Variants in MACROD2 observed in about 807,000 individuals in gnomAD.
The protein encoded by MACROD2 is ADP-ribose glycohydrolase MACROD2.
Under a neutral mutation model 70.4 loss-of-function variants are expected in MACROD2, and 36 were observed. The ratio of observed to expected loss-of-function variants is 0.51; its 90% confidence interval spans 0.39 to 0.68. MACROD2 has a LOEUF of 0.68. Among genes scored for constraint, MACROD2 ranks in the 30% least tolerant of loss-of-function variants. MACROD2 has a pLI of 0.00. For synonymous variants in MACROD2, 172 were observed against 178.8 expected (o/e 0.96, Z 0.30); for missense variants, 496 against 538.4 (o/e 0.92, Z 0.78).
chr20:14,768,545 G>A (rs964158566), intron 5 of MACROD2, among the ~76,000 whole-genome samples: 3 of 151,958 alleles, frequency 2.0e-5, no homozygotes, highest in Non-Finnish European at 4.4e-5. Context: ...TCTCAAGCAC[G>A]TGGCCTCAAG....
At chr20:15,555,495 T>A (rs2048154145) in intron 8 of MACROD2, among the ~76,000 whole-genome samples, 1 of 152,108 alleles carries the variant, frequency 6.6e-6, no homozygotes, top group South Asian at 2.1e-4. Context: ...CTGTTGATCA[T>A]GGGGAGTGAT....
intron 5 of MACROD2, among the ~76,000 whole-genome samples, chr20:15,151,383 G>T (rs2076268863): frequency 1.3e-5 from 2 of 151,988 alleles, no homozygotes; most frequent in Admixed American, 6.6e-5. Context: ...ATGTGGCTGG[G>T]GTTTGTCTCA....
At chr20:14,397,485 A>G (rs2083593305) in intron 3 of MACROD2, among the ~76,000 whole-genome samples, 1 of 152,098 alleles carries the variant, frequency 6.6e-6, no homozygotes, top group African/African-American at 2.4e-5. Context: ...AAAATAGTAT[A>G]TTTTCATTTT....
At chr20:14,494,012 G>A (rs2084823855) in intron 4 of MACROD2, 1 of 151,918 alleles carries the variant, frequency 6.6e-6, no homozygotes, top group Non-Finnish European at 1.5e-5. Context: ...TTTTCTTTCT[G>A]CTCAGTTAGA....
chr20:14,352,246 C>CTAG (rs1391527775), intron 3 of MACROD2: 1 of 152,104 alleles, frequency 6.6e-6, no homozygotes, highest in Admixed American at 6.6e-5. Flanking sequence ...ACCTGCATAA[C>CTAG]TAGCCTCTCT....
intron 5 of MACROD2, among the ~76,000 whole-genome samples, chr20:14,984,981 G>A (rs2074835546): frequency 6.6e-6 from 1 of 152,184 alleles, no homozygotes; most frequent in South Asian, 2.1e-4. Flanking sequence ...CTGGGAGTTA[G>A]CAAGTCACCT....
At chr20:14,591,391 A>G (rs1302003682) in intron 4 of MACROD2, among the ~76,000 whole-genome samples, 5 of 152,168 alleles carry the variant, frequency 3.3e-5, no homozygotes, top group Non-Finnish European at 5.9e-5. Flanking sequence ...CTTATTCTGT[A>G]TAGTTTTCTT....
At chr20:15,934,766 C>T (rs1429360384) in intron 11 of MACROD2, among the ~76,000 whole-genome samples, 4 of 152,018 alleles carry the variant, frequency 2.6e-5, no homozygotes, top group Non-Finnish European at 5.9e-5. Context: ...GGTGCAATCT[C>T]GGTTCACTGC....
intron 6 of MACROD2, among the ~76,000 whole-genome samples, chr20:15,419,403 A>G (rs1234175455): frequency 6.6e-6 from 1 of 152,140 alleles, no homozygotes; most frequent in African/African-American, 2.4e-5. Flanking sequence ...TATCATGGAC[A>G]GGGGTGAATG....
chr20:14,030,332 C>A (rs1601134394), intron 2 of MACROD2, among the ~76,000 whole-genome samples: 1 of 151,900 alleles, frequency 6.6e-6, no homozygotes, highest in African/African-American at 2.4e-5. Flanking sequence ...GTTACTGTGC[C>A]CAGCCTATAC....
chr20:14,333,419 T>C (rs2122623602), intron 3 of MACROD2, among the ~76,000 whole-genome samples: 1 of 152,300 alleles, frequency 6.6e-6, no homozygotes, highest in Middle Eastern at 3.4e-3. Context: ...GAATGCTGCT[T>C]CCTTTTATGA....
chr20:14,775,341 A>G (rs2072220061), intron 5 of MACROD2, among the ~76,000 whole-genome samples: 1 of 152,010 alleles, frequency 6.6e-6, no homozygotes. Flanking sequence ...ATTTTGGCTC[A>G]TGGTTCTGTA....
intron 6 of MACROD2, among the ~76,000 whole-genome samples, chr20:15,306,619 A>G (rs1671468675): frequency 6.6e-6 from 1 of 152,136 alleles, no homozygotes; most frequent in South Asian, 2.1e-4. Context: ...TTCTTCCCTG[A>G]ATCCTCGTGT....
intron 5 of MACROD2, among the ~76,000 whole-genome samples, chr20:15,216,562 A>G: frequency 6.6e-6 from 1 of 152,216 alleles, no homozygotes; most frequent in East Asian, 1.9e-4. Context: ...TGAGTATCTT[A>G]CATAACAAAA....
chr20:14,552,880 A>G (rs371605915), intron 4 of MACROD2, among the ~76,000 whole-genome samples: 2 of 152,178 alleles, frequency 1.3e-5, no homozygotes, highest in African/African-American at 4.8e-5. Context: ...TGGATGAGTC[A>G]GTGAGTTAGT....
rs1290574993 is a variant in MACROD2 at position 14,212,029 on chromosome 20, T to C, written c.271+126301T>C. Among the ~76,000 whole-genome samples the C allele has an allele frequency of 8.5e-5, 13 of 152,194 alleles. No homozygotes were observed. In the East Asian group the frequency reaches 2.5e-3, roughly 29 times the overall value. On this transcript the variant is annotated intron_variant, in intron 3 of 17. Coordinates refer to ENST00000684519, the MANE Select transcript of MACROD2 (RefSeq NM_001351661.2). Reference sequence around the variant, plus strand: ...ACTGTTTAATTTATGAAATATTTACTAAATTACTGTCTGAATACATACACA... The same window carrying C: ...ACTGTTTAATTTATGAAATATTTACCAAATTACTGTCTGAATACATACACA...
chr20:14,186,610 G>A (rs1359017340), intron 3 of MACROD2, among the ~76,000 whole-genome samples: 1 of 152,096 alleles, frequency 6.6e-6, no homozygotes, highest in Non-Finnish European at 1.5e-5. Context: ...ATACCCAAAC[G>A]AAACTAAATC....
At chr20:14,188,134 T>G (rs1259699155) in intron 3 of MACROD2, among the ~76,000 whole-genome samples, 1 of 152,156 alleles carries the variant, frequency 6.6e-6, no homozygotes, top group African/African-American at 2.4e-5. Flanking sequence ...TTTCTCAAAT[T>G]GTGGTCCACA....
In MACROD2 at chr20:14,933,076, C is replaced by CT. The variant is rs35220287; in HGVS notation, c.418+248127dup. On this transcript the variant is annotated intron_variant, in intron 5 of 17. Transcript: ENST00000684519. ...CAGAGAAAAACTCTTTTAACGTAAC[C>CT]TTTTTTTTTTAACCACTTCCATGAG... Among the ~76,000 whole-genome samples, 818 of 148,348 alleles carry CT rather than the reference C, an allele frequency of 5.5e-3. 7 individuals carry two copies. The highest frequency in any genetic ancestry group is 8.3e-3 in the Non-Finnish European group (553 of 66,780).
Sources: gnomAD v4.1 joint callset for allele counts (sites outside exome capture counted in the v4.1 genomes callset) on GRCh38, gnomAD v4.1.1 for gene constraint, MANE v1.5 for transcripts, NCBI Gene and HGNC (gene_info 2026-07-23, HGNC 2026-07-21) for gene names.